Variants in ZNF483 observed in about 807,000 individuals in gnomAD.
ZNF483 encodes the protein zinc finger protein 483.
In ZNF483, 9 loss-of-function variants were observed where a neutral mutation model predicts 28.6. The observed-to-expected ratio is 0.32, with a 90% CI of 0.19 to 0.55. The LOEUF (loss-of-function observed/expected upper bound fraction) is 0.55, where lower values mean the gene tolerates loss of function less well. Ranked by LOEUF, ZNF483 falls within the 20% of genes least tolerant of loss-of-function variation. The pLI is 0.93. For missense variants in ZNF483, 675 were observed against 871.7 expected, an observed-to-expected ratio of 0.77 and a Z score of 2.84; for synonymous variants, 322 against 306.2, an observed-to-expected ratio of 1.05 and a Z score of -0.54.
At chr9:111,555,879 A>G (rs181479949), downstream of ZNF483, among the ~76,000 whole-genome samples, 92 of 152,310 alleles carry the variant, frequency 6.0e-4, no homozygotes, top group Non-Finnish European at 9.3e-4. Flanking sequence ...CGCAAATCTC[A>G]TGTCCTTTCT....
chr9:111,526,945 C>G (rs1251021210), intron 1 of ZNF483, among the ~76,000 whole-genome samples: 1 of 151,912 alleles, frequency 6.6e-6, no homozygotes, highest in Non-Finnish European at 1.5e-5. Context: ...ACTAAAAATA[C>G]AAAAATTAGC....
At position 111,549,742 on chromosome 9, in the gene ZNF483, CAT is replaced by C. The variant is rs1323930695; in HGVS notation, c.*6575_*6576del. On this transcript the variant is annotated 3_prime_UTR_variant, in exon 6 of 6. Coordinates refer to ENST00000309235, the MANE Select transcript of ZNF483 (RefSeq NM_133464.5). ...CCTTCTAAGGTAATGGTGAATGATA[CAT>C]ATTCCCTTCATTTTTCTGCTTTGAA... The C allele has an allele frequency of 1.9e-6, 3 of 1,550,094 alleles. No homozygotes were observed. The African/African-American group carries it at 4.1e-5, about 21-fold the overall frequency.
chr9:111,555,116 T>G lies in ZNF483; in HGVS notation c.*11946T>G, dbSNP rs1482737357. Among the ~76,000 whole-genome samples, 1 of 152,150 alleles carries G rather than the reference T, an allele frequency of 6.6e-6. No individual in the cohort carries two copies. Among genetic ancestry groups the G allele is most frequent in the Admixed American group, 6.5e-5 (1 of 15,268 alleles). ...AGGAGTTGGAGTTCATCCCCTTTTA[T>G]TCAGACTTCCACTTAGTATCCTGTT... On this transcript the variant is annotated 3_prime_UTR_variant, in exon 6 of 6. Transcript: ENST00000309235.
In ZNF483 at chr9:111,552,149, T is replaced by C. The variant is rs553790103; in HGVS notation, c.*8979T>C. ...TCACAGTGCTACTTTTTGTCTTTGA[T>C]TGAATATTTGGTAAGCATTTCTTTT... On this transcript the variant is annotated 3_prime_UTR_variant, in exon 6 of 6. Coordinates refer to ENST00000309235, the MANE Select transcript of ZNF483 (RefSeq NM_133464.5). Among the ~76,000 whole-genome samples, 1 of 152,362 alleles carries C rather than the reference T, an allele frequency of 6.6e-6. No homozygotes were observed. The highest frequency in any genetic ancestry group is 6.5e-5 in the Admixed American group (1 of 15,302).
intron 2 of ZNF483, 90 bp from the exon 3 acceptor site, chr9:111,530,785 A>AGTTTTTTTCCTGTT (rs1827316718): frequency 1.2e-5 from 1 of 83,442 alleles, no homozygotes; most frequent in African/African-American, 5.8e-5. Context: ...ATATATATAT[A>AGTTTTTTTCCTGTT]TATATATATA....
chr9:111,569,513 C>T (rs996419404), intron 5 of ZNF483, among the ~76,000 whole-genome samples: 3 of 152,196 alleles, frequency 2.0e-5, no homozygotes, highest in Non-Finnish European at 4.4e-5. Flanking sequence ...TGCGGTGGCT[C>T]ACAACTGTAA....
chr9:111,571,641 C>A (rs1334035614), intron 5 of ZNF483, among the ~76,000 whole-genome samples: 1 of 148,644 alleles, frequency 6.7e-6, no homozygotes, highest in Non-Finnish European at 1.5e-5. Flanking sequence ...CCACACCTGG[C>A]TAATTTTTTT....
chr9:111,558,930 C>T (rs904006617), downstream of ZNF483, among the ~76,000 whole-genome samples: 8 of 152,098 alleles, frequency 5.3e-5, no homozygotes, highest in African/African-American at 1.9e-4. Flanking sequence ...CTGTATGTAA[C>T]CATCTTCTAT....
At chr9:111,577,338 T>C (rs1281857709) in exon 6 of ZNF483, 1 of 152,136 alleles carries the variant, frequency 6.6e-6, no homozygotes, top group Non-Finnish European at 1.5e-5. Flanking sequence ...GTAGAGAAGT[T>C]GGAACCCTCA....
At chr9:111,576,393 G>C (rs371446394) in exon 6 of ZNF483, 1 of 1,614,148 alleles carries the variant, frequency 6.2e-7, no homozygotes, top group Admixed American at 1.7e-5. Context: ...AAAAGATGCA[G>C]ATGTTCTCTG....
chr9:111,528,649 C>A (rs1827241000), intron 2 of ZNF483, among the ~76,000 whole-genome samples: 2 of 152,044 alleles, frequency 1.3e-5, no homozygotes, highest in Admixed American at 1.3e-4. Flanking sequence ...CCATAGGGCT[C>A]CTGACATATG....
chr9:111,574,989 T>G, intron 5 of ZNF483: 1 of 620,912 alleles, frequency 1.6e-6, no homozygotes, highest in Non-Finnish European at 2.7e-6. Context: ...AGACTGCAGT[T>G]AGAAAAAGAC....
Position 111,545,434 on chromosome 9 carries a change from A to G in ZNF483, c.*2264A>G, listed in dbSNP as rs1827783286. Among the ~76,000 whole-genome samples, 1 of 152,218 alleles carries G rather than the reference A, an allele frequency of 6.6e-6. No homozygotes were observed. The highest frequency in any genetic ancestry group is 2.4e-5 in the African/African-American group (1 of 41,456). On this transcript the variant is annotated 3_prime_UTR_variant, in exon 6 of 6. Transcript: ENST00000309235. ...TTTTAAAGGAATTTATTGAGGTACA[A>G]ATTACATATCATTAAAACCATTTCA...
chr9:111,533,736 T>C lies in ZNF483; in HGVS notation c.502-3T>C, dbSNP rs1234597045. ...AATACAAAAGAGCTGTTTGGTGTTCTAGGAATCTATAACATTGAAGGATGT... is the reference window on the plus strand; with the variant it reads ...AATACAAAAGAGCTGTTTGGTGTTCCAGGAATCTATAACATTGAAGGATGT... On this transcript the variant is annotated splice_region_variant and splice_polypyrimidine_tract_variant and intron_variant, in intron 3 of 5. Coordinates refer to ENST00000309235, the MANE Select transcript of ZNF483 (RefSeq NM_133464.5). 1 of 1,556,066 alleles carries C rather than the reference T, an allele frequency of 6.4e-7. No individual in the cohort carries two copies. Among genetic ancestry groups the C allele is most frequent in the Non-Finnish European group, 8.6e-7 (1 of 1,162,126 alleles).
chr9:111,549,726 G>A lies in ZNF483; in HGVS notation c.*6556G>A. 2 of 1,548,926 alleles carry A rather than the reference G, an allele frequency of 1.3e-6. No homozygotes were observed. Among genetic ancestry groups the A allele is most frequent in the Non-Finnish European group, 1.7e-6 (2 of 1,146,180 alleles). On this transcript the variant is annotated 3_prime_UTR_variant, in exon 6 of 6. Coordinates refer to ENST00000309235, the MANE Select transcript of ZNF483 (RefSeq NM_133464.5). ...GTAAAGTGGACCCTTGCCTTCTAAG[G>A]TAATGGTGAATGATACATATTCCCT...
intron 5 of ZNF483, among the ~76,000 whole-genome samples, chr9:111,536,187 G>T (rs561065402): frequency 6.6e-6 from 1 of 150,910 alleles, no homozygotes; most frequent in Non-Finnish European, 1.5e-5. Flanking sequence ...CACTGTGCCC[G>T]GCCACAATTT....
intron 3 of ZNF483, among the ~76,000 whole-genome samples, chr9:111,531,239 A>G (rs1827338618): frequency 6.6e-6 from 1 of 152,110 alleles, no homozygotes; most frequent in Non-Finnish European, 1.5e-5. Context: ...CAAGGAACTG[A>G]CGCCTCATTT....
rs564245575 is a variant in ZNF483 at position 111,538,391 on chromosome 9, G to A, written c.722-3266G>A. The stretch of plus-strand genomic sequence containing the variant: ...TCAGCCAGGCACAGTGGTGTGTGCC[G>A]TGGTGAGAGGATTGCTTGAGCCCAG... On this transcript the variant is annotated intron_variant, in intron 5 of 5. Transcript: ENST00000309235. Among the ~76,000 whole-genome samples the A allele has an allele frequency of 8.2e-4, 124 of 151,790 alleles. 1 individual carries two copies. The South Asian group carries it at 0.017, about 20-fold the overall frequency.
chr9:111,537,782 A>G (rs1294530006), intron 5 of ZNF483, among the ~76,000 whole-genome samples: 1 of 152,042 alleles, frequency 6.6e-6, no homozygotes, highest in Non-Finnish European at 1.5e-5. Context: ...ACATGCCACC[A>G]TGTTCAGCTA....
Sources: gnomAD v4.1 joint callset for allele counts (sites outside exome capture counted in the v4.1 genomes callset) on GRCh38, gnomAD v4.1.1 for gene constraint, MANE v1.5 for transcripts, NCBI Gene and HGNC (gene_info 2026-07-23, HGNC 2026-07-21) for gene names.